The following PPFIBP2 variants were observed in gnomAD, a reference collection of about 807,000 sequenced individuals.
The protein encoded by PPFIBP2 is liprin-beta-2.
A neutral mutation model predicts 118.3 loss-of-function variants in PPFIBP2; 118 were observed. The observed-to-expected ratio is 1.00, with a 90% CI of 0.86 to 1.16. The LOEUF is 1.16. Among genes scored for constraint, PPFIBP2 ranks in the 50% most tolerant of loss-of-function variants. PPFIBP2 has a pLI of 0.00. For missense variants in PPFIBP2, 1,195 were observed against 1,073.1 expected, an observed-to-expected ratio of 1.11 and a Z score of -1.59; for synonymous variants, 414 against 397.4, an observed-to-expected ratio of 1.04 and a Z score of -0.50.
At chr11:7,658,374 C>A (rs1209238523), downstream of PPFIBP2, among the ~76,000 whole-genome samples, 4 of 113,336 alleles carry the variant, frequency 3.5e-5, no homozygotes, top group Non-Finnish European at 5.2e-5. Flanking sequence ...TCAATTCCCA[C>A]CTATGAGTGA....
chr11:7,581,596 G>A (rs1590355086), intron 3 of PPFIBP2, among the ~76,000 whole-genome samples: 1 of 152,126 alleles, frequency 6.6e-6, no homozygotes, highest in Non-Finnish European at 1.5e-5. Context: ...AGACACGGAG[G>A]TCTCCTCACT....
intron 3 of PPFIBP2, among the ~76,000 whole-genome samples, chr11:7,592,043 C>CT (rs1180048012): frequency 2.0e-5 from 3 of 152,222 alleles, no homozygotes; most frequent in Admixed American, 1.3e-4. Flanking sequence ...ACAATTAAGA[C>CT]TTTCCTCTAG....
At chr11:7,568,475 C>T (rs146791897) in intron 3 of PPFIBP2, among the ~76,000 whole-genome samples, 1 of 152,160 alleles carries the variant, frequency 6.6e-6, no homozygotes, top group Admixed American at 6.5e-5. Context: ...TGTTTTTAAT[C>T]AGGAGGGAAA....
At chr11:7,523,770 C>G (rs1399698528) in intron 1 of PPFIBP2, among the ~76,000 whole-genome samples, 4 of 152,334 alleles carry the variant, frequency 2.6e-5, no homozygotes, top group Non-Finnish European at 4.4e-5. Context: ...CCAGGTGGCT[C>G]TGCTTCAGGT....
In PPFIBP2 at chr11:7,649,169, AC is replaced by A; in HGVS notation, c.1936del (p.Gln646SerfsTer19). 1 of 1,614,042 alleles carries A rather than the reference AC, an allele frequency of 6.2e-7. No individual in the cohort carries two copies. The highest frequency in any genetic ancestry group is 8.5e-7 in the Non-Finnish European group (1 of 1,179,948). ...VTRWLDDIGL[P>X]QYKDQFHESR... is the part of the protein sequence containing the mutation. ...TAGGGTGGCTTGATGATATTGGCTT[AC>A]CCCAGTACAAAGACCAGTTTCATGA... On this transcript the variant is annotated frameshift_variant, in exon 20 of 24. Coordinates refer to ENST00000299492, the MANE Select transcript of PPFIBP2 (RefSeq NM_003621.5). LOFTEE classifies it high-confidence loss of function.
chr11:7,582,764 C>A (rs1437505151), intron 3 of PPFIBP2, among the ~76,000 whole-genome samples: 1 of 152,050 alleles, frequency 6.6e-6, no homozygotes, highest in African/African-American at 2.4e-5. Flanking sequence ...CTTCACCCTC[C>A]CTCCCTTTCA....
chr11:7,557,259 CAG>C lies in PPFIBP2; in HGVS notation c.64+7722_64+7723del, dbSNP rs1295384482. On this transcript the variant is annotated intron_variant, in intron 2 of 23. Transcript: ENST00000299492. ...TTATTTTGGTTTGTATTTTTTTTTT[CAG>C]ATTTTCCTATTTTTTAAAATCATGC... Among the ~76,000 whole-genome samples, 3 of 145,900 alleles carry C rather than the reference CAG, an allele frequency of 2.1e-5. No individual in the cohort carries two copies. In the East Asian group the frequency reaches 6.0e-4, roughly 29 times the overall value.
rs1233811604 is a variant in PPFIBP2 at position 7,616,957 on chromosome 11, G to C, written c.619-3978G>C. 6.6e-6 allele frequency among the ~76,000 whole-genome samples: 1 copy of C among 152,126 alleles called. No individual in the cohort carries two copies. The highest frequency in any genetic ancestry group is 1.5e-5 in the Non-Finnish European group (1 of 68,008). ...GAAAAATGCCATGTCTTTTGGTTCT[G>C]TTGTGGAAAGTGGAGGGCCGTCGAC... is the stretch of plus-strand genomic sequence containing the variant. On this transcript the variant is annotated intron_variant, in intron 6 of 23. Transcript: ENST00000299492. This position sits in a 1 kb window ranked among gnomAD's most constrained non-coding sequence, Gnocchi z 5.2.
intron 23 of PPFIBP2, among the ~76,000 whole-genome samples, chr11:7,652,527 G>T (rs1441615571): frequency 6.6e-6 from 1 of 152,180 alleles, no homozygotes; most frequent in South Asian, 2.1e-4. Flanking sequence ...CTTCCCCAGG[G>T]GAGCAAGACA....
intron 1 of PPFIBP2, among the ~76,000 whole-genome samples, chr11:7,524,188 G>A (rs908459786): frequency 1.3e-5 from 2 of 151,910 alleles, no homozygotes; most frequent in African/African-American, 2.4e-5. Context: ...TTTGTAATAG[G>A]GACAAGGGGG....
intron 2 of PPFIBP2, among the ~76,000 whole-genome samples, chr11:7,563,780 G>T (rs1199082236): frequency 6.6e-6 from 1 of 152,208 alleles, no homozygotes; most frequent in African/African-American, 2.4e-5. Context: ...TCCTTTGTTA[G>T]ACTGTTGCCC....
At chr11:7,651,586 C>T in intron 22 of PPFIBP2, 70 bp from the exon 23 acceptor site, 2 of 1,441,080 alleles carry the variant, frequency 1.4e-6, no homozygotes, top group Non-Finnish European at 1.9e-6. Context: ...ACAGGCCAGT[C>T]TCTCAGCATC....
In PPFIBP2 at chr11:7,565,535, A is replaced by C. The variant is rs1296807030; in HGVS notation, c.65-18A>C. 2 of 1,613,146 alleles carry C rather than the reference A, an allele frequency of 1.2e-6. No individual in the cohort carries two copies. Among genetic ancestry groups the C allele is most frequent in the Non-Finnish European group, 1.7e-6 (2 of 1,179,372 alleles). ...TGTCCACCCTTCTTACTGAGTTTTC[A>C]CCTCTCTCTCATTGCAGGCACTAAA... On this transcript the variant is annotated intron_variant, in intron 2 of 23. Transcript: ENST00000299492.
intron 7 of PPFIBP2, among the ~76,000 whole-genome samples, chr11:7,621,620 A>C (rs1849368161): frequency 6.6e-6 from 1 of 152,232 alleles, no homozygotes; most frequent in East Asian, 1.9e-4. Context: ...TAAAGTGCAG[A>C]GATCAAAACT....
At chr11:7,562,976 T>TATATATATATATAC (rs1554953438) in intron 2 of PPFIBP2, among the ~76,000 whole-genome samples, 2 of 100,470 alleles carry the variant, frequency 2.0e-5, no homozygotes, top group African/African-American at 6.6e-5. Flanking sequence ...TATATATATA[T>TATATATATATATAC]ACACGCACAC....
At chr11:7,629,362 C>T (rs927922579) in intron 9 of PPFIBP2, 97 bp from the exon 10 acceptor site, 9 of 1,211,024 alleles carry the variant, frequency 7.4e-6, no homozygotes, top group Admixed American at 3.4e-5. Flanking sequence ...CGTGGGATTT[C>T]TTCTCCTTGT....
At chr11:7,652,895 G>A in intron 23 of PPFIBP2, 129 bp from the exon 24 acceptor site, 1 of 1,103,042 alleles carries the variant, frequency 9.1e-7, no homozygotes, top group Non-Finnish European at 1.3e-6. Context: ...TTTGTTCAGA[G>A]TCTTTCTAGG....
At chr11:7,604,957 G>A (rs996461941) in intron 5 of PPFIBP2, among the ~76,000 whole-genome samples, 1 of 152,228 alleles carries the variant, frequency 6.6e-6, no homozygotes, top group Non-Finnish European at 1.5e-5. Flanking sequence ...GGAAGTTACC[G>A]TAAGGTTTAT....
chr11:7,600,448 C>A (rs1861227890), intron 5 of PPFIBP2, among the ~76,000 whole-genome samples: 1 of 152,242 alleles, frequency 6.6e-6, no homozygotes, highest in South Asian at 2.1e-4. Context: ...GAGCTAGGGA[C>A]AGGCAAACAC....
Sources: gnomAD v4.1 joint callset for allele counts (sites outside exome capture counted in the v4.1 genomes callset) on GRCh38, gnomAD v4.1.1 for gene constraint, Gnocchi (gnomAD v3.1) non-coding constraint, MANE v1.5 for transcripts, NCBI Gene and HGNC (gene_info 2026-07-23, HGNC 2026-07-21) for gene names.